NOTCH3: variants seen among roughly 807,000 people sequenced by gnomAD.
NOTCH3 encodes notch receptor 3.
In NOTCH3, 86 loss-of-function variants were observed where a neutral mutation model predicts 213.3. The observed-to-expected ratio is 0.40, with a 90% confidence interval of 0.34 to 0.48. The LOEUF (loss-of-function observed/expected upper bound fraction) is 0.48, where lower values mean the gene tolerates loss of function less well. NOTCH3 is among the 20% of genes least tolerant of loss of function. The pLI is 0.57. For synonymous variants in NOTCH3, 1,354 were observed against 1,355.9 expected, an observed-to-expected ratio of 1.00 and a Z score of 0.03; for missense variants, 2,783 against 3,272.6, an observed-to-expected ratio of 0.85 and a Z score of 3.65.
intron 23 of NOTCH3, 121 bp from the exon 24 acceptor site, chr19:15,178,211 G>C: frequency 1.3e-4 from 77 of 592,860 alleles, no homozygotes; most frequent in Non-Finnish European, 1.4e-4. Flanking sequence ...AAGAGAAGAG[G>C]TCAAGACTAA....
At chr19:15,197,153 T>C (rs143830773) in intron 2 of NOTCH3, among the ~76,000 whole-genome samples, 4 of 152,226 alleles carry the variant, frequency 2.6e-5, no homozygotes, top group Non-Finnish European at 5.9e-5. Context: ...AGTTTGTTGA[T>C]TGAATAATAC....
intron 28 of NOTCH3, among the ~76,000 whole-genome samples, chr19:15,169,253 G>T (rs1467554208): frequency 6.6e-6 from 1 of 151,092 alleles, no homozygotes; most frequent in African/African-American, 2.4e-5. Flanking sequence ...ACAGAGGAAA[G>T]GCCATGTGAG....
In NOTCH3 at chr19:15,159,817, C is replaced by A. The variant is rs571584841; in HGVS notation, c.*845G>T. The A allele has an allele frequency of 8.6e-4, 202 of 233,598 alleles. 1 individual carries two copies. Among genetic ancestry groups the A allele is most frequent in the African/African-American group, 4.2e-3 (192 of 45,468 alleles). 14.5% of individuals were successfully genotyped at this position (233,598 alleles called of 1,614,324 possible). A position where few individuals can be genotyped will look rare whatever the true frequency, so the allele number is the denominator to read the frequency against. On this transcript the variant is annotated 3_prime_UTR_variant, in exon 33 of 33. Transcript: ENST00000263388. Reference sequence around the variant, plus strand: ...CCAGGAAGAGAAAGTACCACTCAGGCAGCTCCTCTTCTTGTAGTCCCACAT... The same window carrying A: ...CCAGGAAGAGAAAGTACCACTCAGGAAGCTCCTCTTCTTGTAGTCCCACAT...
rs2046877307 is a variant in NOTCH3, at chr19:15,185,811, T to G, written c.1952-132A>C. Reference sequence around the variant, plus strand: ...CTTTTTCATAACGCATCAGCTCTTGTGCAGATTAGGACACCCGCCTCCTCA... The same window carrying G: ...CTTTTTCATAACGCATCAGCTCTTGGGCAGATTAGGACACCCGCCTCCTCA... On this transcript the variant is annotated intron_variant, in intron 12 of 32. Transcript: ENST00000263388. The surrounding 1 kb of genome is among the most constrained non-coding windows in gnomAD (Gnocchi z 4.2). The G allele has an allele frequency of 1.1e-6, 1 of 876,024 alleles. No individual in the cohort carries two copies. The allele number at this position is 876,024 out of a possible 1,614,324, so 54.3% of individuals were successfully genotyped here.
intron 1 of NOTCH3, 64 bp from the exon 2 acceptor site, chr19:15,197,642 CAA>C: frequency 6.9e-7 from 1 of 1,446,852 alleles, no homozygotes; most frequent in African/African-American, 1.4e-5. Context: ...GCCCAAGTGA[CAA>C]ACCCCCTCCC....
chr19:15,195,809 C>G (rs1426674647), intron 2 of NOTCH3, among the ~76,000 whole-genome samples: 1 of 151,546 alleles, frequency 6.6e-6, no homozygotes. Flanking sequence ...CCCGACGCCC[C>G]GGGCGGGTTC....
chr19:15,186,960 G>A lies in NOTCH3; in HGVS notation c.1869C>T (p.Asp623=). 1 of 1,614,216 alleles carries A rather than the reference G, an allele frequency of 6.2e-7. No homozygotes were observed. The highest frequency in any genetic ancestry group is 1.6e-4 in the Middle Eastern group (1 of 6,062). Residue 623 remains aspartate (D), a synonymous_variant, in exon 12 of 33, where the codon GAC becomes GAT. Transcript: ENST00000263388. The part of the protein sequence containing the change: ...TGVNCEVNID[D]CASNPCTFGV... Reference sequence around the variant, plus strand: ...CAAAGGTGCAGGGGTTGCTGGCACAGTCGTCAATGTTCACTTCGCAGTTCA... The same window carrying A: ...CAAAGGTGCAGGGGTTGCTGGCACAATCGTCAATGTTCACTTCGCAGTTCA...
At chr19:15,166,518 A>G (rs1310980049) in intron 29 of NOTCH3, among the ~76,000 whole-genome samples, 1 of 151,274 alleles carries the variant, frequency 6.6e-6, no homozygotes, top group Non-Finnish European at 1.5e-5. Context: ...GGGGGGGGAA[A>G]AAAAGAGCTG....
In NOTCH3 at chr19:15,187,920, CGCATTTGGCGCCATTCCT is replaced by C; in HGVS notation, c.1549_1566del (p.Arg517_Cys522del). On this transcript the variant is annotated inframe_deletion, in exon 10 of 33. Coordinates refer to ENST00000263388, the MANE Select transcript of NOTCH3 (RefSeq NM_000435.3). The stretch of plus-strand genomic sequence containing the variant: ...CACTCGTAGCCATCGGGCTGGTCCA[CGCATTTGGCGCCATTCCT>C]GCAGGGCGTGCTGGCGCATTCGTCC... The C allele has an allele frequency of 6.5e-7, 1 of 1,550,024 alleles. No homozygotes were observed. The highest frequency in any genetic ancestry group is 1.4e-5 in the African/African-American group (1 of 73,132).
At chr19:15,193,784 A>C (rs1882172163) in intron 2 of NOTCH3, among the ~76,000 whole-genome samples, 3 of 134,768 alleles carry the variant, frequency 2.2e-5, no homozygotes, top group Non-Finnish European at 4.9e-5. Context: ...AAAAAACAAA[A>C]AACAAAAAAA....
chr19:15,195,729 G>A (rs961938558), intron 2 of NOTCH3, among the ~76,000 whole-genome samples: 1 of 151,806 alleles, frequency 6.6e-6, no homozygotes, highest in Non-Finnish European at 1.5e-5. Flanking sequence ...TCGGGAGGGG[G>A]CGCGCTGCGC....
At chr19:15,195,294 AC>A (rs973121654) in intron 2 of NOTCH3, among the ~76,000 whole-genome samples, 40 of 152,094 alleles carry the variant, frequency 2.6e-4, no homozygotes, top group Middle Eastern at 6.8e-3. Context: ...TGGTCCTTCA[AC>A]CTGCAGCCCC....
In NOTCH3 at chr19:15,161,018, G is replaced by C. The variant is rs1599359307; in HGVS notation, c.6610C>G (p.Pro2204Ala). Reference protein sequence around the residue: ...QLLNPGTPVSPQERPPPYLAV... With the variant: ...QLLNPGTPVSAQERPPPYLAV... ...AGGTAAGGCGGGGGCCGCTCCTGCGGGGAGACGGGGGTCCCTGGGTTGAGC... is the reference window on the plus strand; with the variant it reads ...AGGTAAGGCGGGGGCCGCTCCTGCGCGGAGACGGGGGTCCCTGGGTTGAGC... Residue 2204 changes from proline (P) to alanine (A), a missense_variant, in exon 33 of 33, where the codon CCG becomes GCG. By Grantham distance (27) the Pro-to-Ala change is conservative (BLOSUM62 -1). This residue lies in a region of NOTCH3 where 441 missense variants were observed against 432.1 expected (regional missense o/e 1.02). Coordinates refer to ENST00000263388, the MANE Select transcript of NOTCH3 (RefSeq NM_000435.3). The C allele has an allele frequency of 6.5e-7, 1 of 1,538,180 alleles. No homozygotes were observed.
intron 2 of NOTCH3, 59 bp downstream of exon 2, chr19:15,197,441 G>GGGGCCGCCC: frequency 1.3e-6 from 1 of 768,364 alleles, no homozygotes; most frequent in Non-Finnish European, 2.3e-6. Context: ...AAGACAAATC[G>GGGGCCGCCC]CCCCTCCCCC....
chr19:15,185,824 A>G lies in NOTCH3; in HGVS notation c.1952-145T>C. 1 of 778,802 alleles carries G rather than the reference A, an allele frequency of 1.3e-6. No homozygotes were observed. The highest frequency in any genetic ancestry group is 1.5e-5 in the South Asian group (1 of 67,166). 48.2% of individuals were successfully genotyped at this position (778,802 alleles called of 1,614,324 possible). A position where few individuals can be genotyped will look rare whatever the true frequency, so the allele number is the denominator to read the frequency against. On this transcript the variant is annotated intron_variant, in intron 12 of 32. Transcript: ENST00000263388. The surrounding 1 kb of genome is among the most constrained non-coding windows in gnomAD (Gnocchi z 4.2). Reference sequence around the variant, plus strand: ...CATCAGCTCTTGTGCAGATTAGGACACCCGCCTCCTCAACCAAGAGCTGAC... The same window carrying G: ...CATCAGCTCTTGTGCAGATTAGGACGCCCGCCTCCTCAACCAAGAGCTGAC...
At chr19:15,175,588 TATACACACAC>T (rs1180913118) in intron 24 of NOTCH3, among the ~76,000 whole-genome samples, 980 of 47,180 alleles carry the variant, frequency 0.021, 17 homozygotes, top group African/African-American at 0.049. Context: ...TATATATGTA[TATACACACAC>T]ACACACACAC....
intron 2 of NOTCH3, among the ~76,000 whole-genome samples, chr19:15,194,681 C>A (rs527745675): frequency 1.3e-5 from 2 of 152,144 alleles, no homozygotes; most frequent in South Asian, 2.1e-4. Flanking sequence ...CATGTCCAAG[C>A]GCGGTGGCTC....
At position 15,185,210 on chromosome 19, in the gene NOTCH3, A is replaced by G; in HGVS notation, c.2296+47T>C. On this transcript the variant is annotated intron_variant, in intron 14 of 32. Transcript: ENST00000263388. The surrounding 1 kb of genome is among the most constrained non-coding windows in gnomAD (Gnocchi z 4.2). ...AGAGTAGAGGAGAAGAGAGATGAGAAGGCCCATGGTGTTGGTGGGGCTGCA... is the reference window on the plus strand; with the variant it reads ...AGAGTAGAGGAGAAGAGAGATGAGAGGGCCCATGGTGTTGGTGGGGCTGCA... 1.2e-6 allele frequency: 2 copies of G among 1,603,418 alleles called. No homozygotes were observed. The highest frequency in any genetic ancestry group is 4.5e-5 in the East Asian group (2 of 44,710).
rs550933009 is a variant in NOTCH3 at position 15,172,956 on chromosome 19, CTATT to C, written c.4736+1108_4736+1111del. ...ACAGGCGTGAGCCACCGAGCCCCTC[CTATT>C]TCTTTCTTCTTCTTCCTCTTCCTCC... On this transcript the variant is annotated intron_variant, in intron 25 of 32. Transcript: ENST00000263388. Among the ~76,000 whole-genome samples, 924 of 149,584 alleles carry C rather than the reference CTATT, an allele frequency of 6.2e-3. 6 individuals are homozygous for C. Among genetic ancestry groups the C allele is most frequent in the Non-Finnish European group, 9.9e-3 (664 of 67,278 alleles).
Sources: allele counts gnomAD v4.1 joint callset (sites outside exome capture counted in the v4.1 genomes callset), GRCh38; gene constraint gnomAD v4.1.1; regional missense constraint gnomAD v4.1.1; non-coding constraint Gnocchi (gnomAD v3.1); transcripts MANE v1.5; gene names NCBI Gene and HGNC (gene_info 2026-07-23, HGNC 2026-07-21).